The following PDE1A variants were observed in gnomAD, a reference collection of about 807,000 sequenced individuals.
The protein encoded by PDE1A is phosphodiesterase 1A, also known as dual specificity calcium/calmodulin-dependent 3',5'-cyclic nucleotide phosphodiesterase 1A.
PDE1A carries 35 observed loss-of-function variants against 61.7 expected under a neutral mutation model. The observed-to-expected ratio is 0.57, with a 90% CI of 0.43 to 0.75. The LOEUF is 0.75. Among genes scored for constraint, PDE1A ranks in the 30% least tolerant of loss-of-function variants. The pLI is 0.00. For missense variants in PDE1A, 597 were observed against 630.6 expected, an observed-to-expected ratio of 0.95 and a Z score of 0.57; for synonymous variants, 232 against 213.2, an observed-to-expected ratio of 1.09 and a Z score of -0.77.
chr2:182,334,778 C>A (rs1697672715), intron 1 of PDE1A, among the ~76,000 whole-genome samples: 1 of 152,096 alleles, frequency 6.6e-6, no homozygotes, highest in African/African-American at 2.4e-5. Flanking sequence ...CTGGCCAGAG[C>A]AATCAGGCAA....
chr2:182,185,956 G>A (rs776615015), exon 13 of PDE1A: 3 of 1,614,014 alleles, frequency 1.9e-6, no homozygotes, highest in Non-Finnish European at 2.5e-6. Context: ...GGTTGTTCTT[G>A]AAACTCTTCA....
chr2:182,572,598 A>T, the PDE1A span, among the ~76,000 whole-genome samples: 16 of 152,276 alleles, frequency 1.1e-4, no homozygotes, highest in South Asian at 2.7e-3. Flanking sequence ...AAAGTGAAAG[A>T]TAGGCCAGGC....
intron 1 of PDE1A, among the ~76,000 whole-genome samples, chr2:182,379,456 C>T (rs376323810): frequency 6.6e-6 from 1 of 152,136 alleles, no homozygotes; most frequent in East Asian, 1.9e-4. Flanking sequence ...CTTTTTTCTT[C>T]AAACTCAGAA....
chr2:182,467,799 T>G (rs1408475367), intron 2 of PDE1A, among the ~76,000 whole-genome samples: 1 of 151,886 alleles, frequency 6.6e-6, no homozygotes, highest in Non-Finnish European at 1.5e-5. Flanking sequence ...GAGAAAACCA[T>G]AGATAGGCAT....
the PDE1A span, among the ~76,000 whole-genome samples, chr2:182,561,383 T>A: frequency 6.6e-6 from 1 of 152,098 alleles, no homozygotes; most frequent in Non-Finnish European, 1.5e-5. Context: ...AGGTGTTATT[T>A]CTGAGGGCTC....
At chr2:182,663,907 G>T in the PDE1A span, among the ~76,000 whole-genome samples, 1 of 151,758 alleles carries the variant, frequency 6.6e-6, no homozygotes, top group Non-Finnish European at 1.5e-5. Flanking sequence ...TAAAATTTTT[G>T]AACATTAAGA....
At chr2:182,590,728 A>G in the PDE1A span, among the ~76,000 whole-genome samples, 2 of 152,208 alleles carry the variant, frequency 1.3e-5, no homozygotes, top group Non-Finnish European at 2.9e-5. Flanking sequence ...TTATATGCAA[A>G]GATTTCCATT....
In PDE1A at chr2:182,272,757, T is replaced by G. The variant is rs145650877; in HGVS notation, c.54-8343A>C. Among the ~76,000 whole-genome samples the G allele has an allele frequency of 3.6e-3, 545 of 152,192 alleles. 2 individuals carry two copies. The highest frequency in any genetic ancestry group is 0.012 in the African/African-American group (499 of 41,542). On this transcript the variant is annotated intron_variant, in intron 1 of 13. Coordinates refer to ENST00000351439, the Ensembl canonical transcript of PDE1A. ...TGGAACTGATAGAATGTTTGGAAAT[T>G]CGTTTTGACAGATCAAGCATTTACA...
At chr2:182,533,979 T>A in the PDE1A span, among the ~76,000 whole-genome samples, 19 of 152,090 alleles carry the variant, frequency 1.2e-4, no homozygotes, top group Non-Finnish European at 2.6e-4. Flanking sequence ...TGGCAACATT[T>A]TATATTTTTT....
intron 1 of PDE1A, among the ~76,000 whole-genome samples, chr2:182,283,552 C>A (rs1693959481): frequency 6.6e-6 from 1 of 151,760 alleles, no homozygotes; most frequent in African/African-American, 2.4e-5. Flanking sequence ...ATTTATGAAA[C>A]TGTTATGAGT....
chr2:182,400,163 C>A (rs1701921802), intron 1 of PDE1A, among the ~76,000 whole-genome samples: 1 of 152,122 alleles, frequency 6.6e-6, no homozygotes, highest in African/African-American at 2.4e-5. Context: ...AATTCTTTGC[C>A]AATATCACTG....
At chr2:182,360,867 T>C (rs1699464217) in intron 1 of PDE1A, among the ~76,000 whole-genome samples, 1 of 152,018 alleles carries the variant, frequency 6.6e-6, no homozygotes, top group African/African-American at 2.4e-5. Flanking sequence ...AAGTCCTGGG[T>C]CCTCAAGTTA....
chr2:182,205,008 C>G (rs1348902872), intron 8 of PDE1A, among the ~76,000 whole-genome samples: 1 of 152,018 alleles, frequency 6.6e-6, no homozygotes, highest in African/African-American at 2.4e-5. Flanking sequence ...TTATCTTTTA[C>G]GTTTTTTAAT....
At chr2:182,435,167 T>C (rs1214132030) in intron 2 of PDE1A, among the ~76,000 whole-genome samples, 2 of 151,948 alleles carry the variant, frequency 1.3e-5, no homozygotes, top group Non-Finnish European at 2.9e-5. Flanking sequence ...ACAACAACAA[T>C]AGAAATAATT....
At chr2:182,597,720 A>T in the PDE1A span, among the ~76,000 whole-genome samples, 1 of 152,252 alleles carries the variant, frequency 6.6e-6, no homozygotes, top group Non-Finnish European at 1.5e-5. Flanking sequence ...TTTGAATTAT[A>T]AACTTTTCAG....
chr2:182,162,514 G>A (rs905434810), intron 13 of PDE1A, among the ~76,000 whole-genome samples: 6 of 152,142 alleles, frequency 3.9e-5, no homozygotes, highest in African/African-American at 1.4e-4. Context: ...TCAATTTCTA[G>A]ACTTGAGCCA....
chr2:182,272,890 TGAA>T (rs1693138803), intron 1 of PDE1A, among the ~76,000 whole-genome samples: 1 of 152,146 alleles, frequency 6.6e-6, no homozygotes, highest in Non-Finnish European at 1.5e-5. Context: ...GATTGACAGT[TGAA>T]TAATATATAC....
At chr2:182,691,747 T>C in the PDE1A span, among the ~76,000 whole-genome samples, 6 of 151,808 alleles carry the variant, frequency 4.0e-5, no homozygotes, top group Non-Finnish European at 8.8e-5. Flanking sequence ...ACAGGCAACC[T>C]ACAGAATGGG....
At chr2:182,466,990 C>T (rs568979246) in intron 2 of PDE1A, among the ~76,000 whole-genome samples, 1 of 151,884 alleles carries the variant, frequency 6.6e-6, no homozygotes, top group African/African-American at 2.4e-5. Flanking sequence ...GTCTTTTGAG[C>T]TGCTAGGCTC....
Sources: allele counts gnomAD v4.1 joint callset (sites outside exome capture counted in the v4.1 genomes callset), GRCh38; gene constraint gnomAD v4.1.1; transcripts MANE v1.5; gene names NCBI Gene and HGNC (gene_info 2026-07-23, HGNC 2026-07-21).